The following RBFOX1 variants were observed in gnomAD, a reference collection of about 807,000 sequenced individuals.
The protein encoded by RBFOX1 is RNA binding protein fox-1 homolog 1.
RBFOX1 carries 8 observed loss-of-function variants against 57.7 expected under a neutral mutation model. That is an observed-to-expected ratio of 0.14 (90% CI 0.08 to 0.25). The LOEUF is 0.25. Ranked by LOEUF, RBFOX1 falls within the 10% of genes least tolerant of loss-of-function variation. The pLI, the probability that RBFOX1 is intolerant of heterozygous loss-of-function variation, is 1.00. For missense variants in RBFOX1, 611 were observed against 548.5 expected (o/e 1.11, Z -1.14); for synonymous variants, 326 against 222.4 (o/e 1.47, Z -4.15).
At chr16:7,638,578 C>G (rs1051892607) in intron 11 of RBFOX1, among the ~76,000 whole-genome samples, 1 of 152,166 alleles carries the variant, frequency 6.6e-6, no homozygotes, top group African/African-American at 2.4e-5. Flanking sequence ...GTTTTCCCCT[C>G]TTTGAGATGT....
At chr16:6,774,115 A>C in intron 3 of RBFOX1, 4 of 629,174 alleles carry the variant, frequency 6.4e-6, no homozygotes, top group Non-Finnish European at 5.9e-6. Flanking sequence ...TTTTTGTAAA[A>C]TACCAAGTTA....
At chr16:6,522,071 A>T (rs562715392) in intron 2 of RBFOX1, among the ~76,000 whole-genome samples, 1 of 152,252 alleles carries the variant, frequency 6.6e-6, no homozygotes, top group Admixed American at 6.5e-5. Context: ...ACGTCCTTGC[A>T]TCTAGAAAAA....
At chr16:6,079,363 G>C (rs1245666154) in intron 1 of RBFOX1, among the ~76,000 whole-genome samples, 1 of 152,194 alleles carries the variant, frequency 6.6e-6, no homozygotes, top group Non-Finnish European at 1.5e-5. Flanking sequence ...CCAGGTTGGA[G>C]TGTGGCAGTA....
chr16:7,016,176 G>A (rs891253120), intron 3 of RBFOX1, among the ~76,000 whole-genome samples: 1 of 152,112 alleles, frequency 6.6e-6, no homozygotes, highest in Non-Finnish European at 1.5e-5. Flanking sequence ...TTGCCGCGGT[G>A]AATTTGAAGT....
chr16:6,151,226 A>C (rs1379683024), intron 1 of RBFOX1, among the ~76,000 whole-genome samples: 1 of 152,156 alleles, frequency 6.6e-6, no homozygotes, highest in East Asian at 1.9e-4. Context: ...GGCCAGGCTT[A>C]AGGAACCCCG....
chr16:6,950,380 C>T (rs2080469271), intron 3 of RBFOX1, among the ~76,000 whole-genome samples: 3 of 139,742 alleles, frequency 2.1e-5, no homozygotes, highest in Admixed American at 2.1e-4. Context: ...CTCTGTCCAC[C>T]CACCACCCAC....
At chr16:5,371,726 G>C (rs542440861) in intron 1 of RBFOX1, among the ~76,000 whole-genome samples, 1 of 152,316 alleles carries the variant, frequency 6.6e-6, no homozygotes, top group South Asian at 2.1e-4. Flanking sequence ...TGGCCATGTG[G>C]TGAGGGTGAC....
intron 5 of RBFOX1, among the ~76,000 whole-genome samples, chr16:7,545,254 C>A (rs904280898): frequency 6.6e-6 from 1 of 152,052 alleles, no homozygotes; most frequent in African/African-American, 2.4e-5. Flanking sequence ...CTTTCCTTTC[C>A]TGAAACAGCA....
intron 5 of RBFOX1, among the ~76,000 whole-genome samples, chr16:7,523,552 C>T (rs1011812018): frequency 4.6e-5 from 7 of 152,056 alleles, no homozygotes; most frequent in Non-Finnish European, 1.5e-5. Context: ...GTATGGTGGA[C>T]CGGTTAGCTG....
chr16:6,483,548 C>T (rs7187508), intron 2 of RBFOX1: 27 of 1,534,922 alleles, frequency 1.8e-5, no homozygotes, highest in Non-Finnish European at 2.2e-5. Flanking sequence ...CCTTCAGGTA[C>T]GGCGAGCGAA....
chr16:6,603,333 G>T (rs1419263937), intron 2 of RBFOX1, among the ~76,000 whole-genome samples: 3 of 152,162 alleles, frequency 2.0e-5, no homozygotes, highest in African/African-American at 4.8e-5. Flanking sequence ...TTGGAGTCTT[G>T]TATGAAATAG....
chr16:7,387,133 C>G (rs1027470509), intron 4 of RBFOX1, among the ~76,000 whole-genome samples: 1 of 152,070 alleles, frequency 6.6e-6, no homozygotes, highest in African/African-American at 2.4e-5. Context: ...AGCCCTTTGT[C>G]AGATGAATAG....
At chr16:6,884,734 C>T (rs568734712) in intron 3 of RBFOX1, among the ~76,000 whole-genome samples, 1 of 152,022 alleles carries the variant, frequency 6.6e-6, no homozygotes, top group Admixed American at 6.6e-5. Context: ...CCCATCTGTA[C>T]TAAAAATACA....
chr16:7,002,782 C>T (rs572669136), intron 3 of RBFOX1, among the ~76,000 whole-genome samples: 11 of 152,206 alleles, frequency 7.2e-5, no homozygotes, highest in Admixed American at 5.2e-4. Flanking sequence ...TCCTGAATGT[C>T]GGCTTTGTTT....
At chr16:7,023,564 TAAAA>T (rs34056673) in intron 3 of RBFOX1, among the ~76,000 whole-genome samples, 15 of 43,924 alleles carry the variant, frequency 3.4e-4, no homozygotes, top group East Asian at 1.9e-3. Context: ...TCGTCTGTAC[TAAAA>T]AAAAAAAAAA....
chr16:6,763,106 C>G (rs773947165), intron 3 of RBFOX1, among the ~76,000 whole-genome samples: 11 of 152,172 alleles, frequency 7.2e-5, no homozygotes, highest in Non-Finnish European at 1.2e-4. Flanking sequence ...AAATGTCAGA[C>G]CACTGTCTCC....
chr16:5,517,327 CT>C (rs142839918), intron 2 of RBFOX1, among the ~76,000 whole-genome samples: 2,685 of 152,300 alleles, frequency 0.018, 70 homozygotes, highest in African/African-American at 0.061. Context: ...CCCTGTTTTT[CT>C]GCTCAGCTAC....
At chr16:6,487,213 A>G (rs1002786326) in intron 2 of RBFOX1, among the ~76,000 whole-genome samples, 2 of 151,418 alleles carry the variant, frequency 1.3e-5, no homozygotes, top group Non-Finnish European at 2.9e-5. Flanking sequence ...TATGTCAGCT[A>G]CAGCAACTCG....
intron 4 of RBFOX1, among the ~76,000 whole-genome samples, chr16:7,303,979 G>A (rs2096102220): frequency 6.6e-6 from 1 of 151,932 alleles, no homozygotes; most frequent in African/African-American, 2.4e-5. Flanking sequence ...GTATGGGGTG[G>A]GGGGCCCCTT....
Sources: gnomAD v4.1 joint callset for allele counts (sites outside exome capture counted in the v4.1 genomes callset) on GRCh38, gnomAD v4.1.1 for gene constraint, MANE v1.5 for transcripts, NCBI Gene and HGNC (gene_info 2026-07-23, HGNC 2026-07-21) for gene names.